SLC8A1: variants seen among roughly 807,000 people sequenced by gnomAD.
SLC8A1 encodes the protein sodium/calcium exchanger 1.
A neutral mutation model predicts 68.3 loss-of-function variants in SLC8A1; 18 were observed. That is an observed-to-expected ratio of 0.26 (90% confidence interval 0.18 to 0.39). SLC8A1 has a LOEUF of 0.39. Ranked by LOEUF, SLC8A1 falls within the 10% of genes least tolerant of loss-of-function variation. The pLI, the probability that SLC8A1 is intolerant of heterozygous loss-of-function variation, is 1.00. For missense variants in SLC8A1, 985 were observed against 1,156.7 expected (o/e 0.85, Z 2.15); for synonymous variants, 475 against 415.5 (o/e 1.14, Z -1.74).
At chr2:40,453,817 T>C (rs1576600725), upstream of SLC8A1, among the ~76,000 whole-genome samples, 2 of 152,206 alleles carry the variant, frequency 1.3e-5, no homozygotes, top group East Asian at 3.8e-4. Flanking sequence ...GAAGTGATGC[T>C]GAGGCCGTCT....
At chr2:40,423,201 ACT>A (rs1187418358) in intron 2 of SLC8A1, among the ~76,000 whole-genome samples, 1 of 151,988 alleles carries the variant, frequency 6.6e-6, no homozygotes, top group African/African-American at 2.4e-5. Flanking sequence ...AACTGCCCAT[ACT>A]CTTAGATTTA....
intron 2 of SLC8A1, among the ~76,000 whole-genome samples, chr2:40,333,110 A>G (rs1036235375): frequency 1.3e-5 from 2 of 152,326 alleles, no homozygotes. Flanking sequence ...ACGAAAAAAA[A>G]TCTCTTAACG....
chr2:40,117,626 G>C (rs1039108965), intron 7 of SLC8A1, among the ~76,000 whole-genome samples: 5 of 151,712 alleles, frequency 3.3e-5, no homozygotes, highest in East Asian at 1.9e-4. Flanking sequence ...GATTATAGCA[G>C]ATATTAATAA....
In SLC8A1 at chr2:40,495,568, G is replaced by C. The variant is rs566832232; in HGVS notation, c.-25+16781C>G. ...GCAAGTCACAGATGTATCTGTTGGT[G>C]AGTTAAAAATCAACACGAACAATGA... On this transcript the variant is annotated intron_variant, in intron 1 of 7. Coordinates refer to the SLC8A1 transcript ENST00000402441. 3.9e-5 allele frequency among the ~76,000 whole-genome samples: 6 copies of C among 152,148 alleles called. No homozygotes were observed. In the South Asian group the frequency reaches 1.2e-3, roughly 32 times the overall value.
chr2:40,416,301 T>C (rs768751343), intron 2 of SLC8A1, among the ~76,000 whole-genome samples: 2 of 152,152 alleles, frequency 1.3e-5, no homozygotes, highest in African/African-American at 4.8e-5. Flanking sequence ...TTCATTTTAG[T>C]AGATCATCCA....
chr2:40,389,463 G>A (rs1684611949), intron 2 of SLC8A1, among the ~76,000 whole-genome samples: 1 of 152,014 alleles, frequency 6.6e-6, no homozygotes, highest in African/African-American at 2.4e-5. Context: ...TTTAAAATAT[G>A]TATCATTAAT....
At chr2:40,135,857 T>C (rs1452836188) in intron 7 of SLC8A1, among the ~76,000 whole-genome samples, 1 of 152,186 alleles carries the variant, frequency 6.6e-6, no homozygotes, top group Non-Finnish European at 1.5e-5. Flanking sequence ...GTAGGTTTGG[T>C]TAAAGGATAA....
intron 2 of SLC8A1, among the ~76,000 whole-genome samples, chr2:40,260,007 G>A (rs1469401394): frequency 6.6e-6 from 1 of 152,106 alleles, no homozygotes; most frequent in East Asian, 1.9e-4. Flanking sequence ...AGTTGATAGT[G>A]AACTCAATTG....
At chr2:40,131,454 C>A (rs1409202283) in intron 7 of SLC8A1, among the ~76,000 whole-genome samples, 2 of 152,164 alleles carry the variant, frequency 1.3e-5, no homozygotes, top group Non-Finnish European at 2.9e-5. Context: ...CAAGGGAGCT[C>A]AGAATTCAGA....
At chr2:40,398,823 G>A (rs1361876490) in intron 2 of SLC8A1, among the ~76,000 whole-genome samples, 1 of 152,070 alleles carries the variant, frequency 6.6e-6, no homozygotes, top group East Asian at 1.9e-4. Context: ...TTCTTCAACT[G>A]CTACTACCCA....
intron 2 of SLC8A1, among the ~76,000 whole-genome samples, chr2:40,361,505 A>C (rs1022934599): frequency 6.6e-5 from 10 of 151,778 alleles, no homozygotes; most frequent in Non-Finnish European, 1.0e-4. Flanking sequence ...ATATTACTGT[A>C]AACACTTGAG....
chr2:40,454,299 G>A (rs1702859762), upstream of SLC8A1, among the ~76,000 whole-genome samples: 2 of 152,250 alleles, frequency 1.3e-5, no homozygotes, highest in East Asian at 1.9e-4. Context: ...GAAAATGTGA[G>A]TGGGCCATAT....
At chr2:40,372,636 C>G (rs1559426310) in intron 2 of SLC8A1, among the ~76,000 whole-genome samples, 1 of 152,106 alleles carries the variant, frequency 6.6e-6, no homozygotes, top group African/African-American at 2.4e-5. Flanking sequence ...GCTAGAAAGA[C>G]TGTTTCTTGA....
At chr2:40,475,626 A>T (rs1453380339) in intron 1 of SLC8A1, among the ~76,000 whole-genome samples, 4 of 152,080 alleles carry the variant, frequency 2.6e-5, no homozygotes. Context: ...ATATACATAC[A>T]TGTACACATA....
intron 2 of SLC8A1, among the ~76,000 whole-genome samples, chr2:40,213,717 T>A (rs1020821025): frequency 6.6e-6 from 1 of 152,204 alleles, no homozygotes; most frequent in Non-Finnish European, 1.5e-5. Context: ...TGTGTTTTGG[T>A]AGAAGGGGCG....
At chr2:40,197,010 T>A (rs943595787) in intron 2 of SLC8A1, among the ~76,000 whole-genome samples, 3 of 152,058 alleles carry the variant, frequency 2.0e-5, no homozygotes. Flanking sequence ...CGATTTGTTC[T>A]GTAACTTGTA....
chr2:40,449,876 C>G (rs1301108821), intron 1 of SLC8A1, among the ~76,000 whole-genome samples: 2 of 151,952 alleles, frequency 1.3e-5, no homozygotes, highest in African/African-American at 4.8e-5. Flanking sequence ...TGTTGTTTTT[C>G]TAGGAATTAA....
chr2:40,405,317 G>A (rs1472423727), intron 2 of SLC8A1, among the ~76,000 whole-genome samples: 2 of 152,298 alleles, frequency 1.3e-5, no homozygotes, highest in East Asian at 3.9e-4. Flanking sequence ...AGCAATTTCT[G>A]CAAGAAAAAT....
chr2:40,140,080 G>C (rs2041266457), intron 6 of SLC8A1, among the ~76,000 whole-genome samples: 1 of 152,122 alleles, frequency 6.6e-6, no homozygotes, highest in African/African-American at 2.4e-5. Context: ...AGTTCTACTA[G>C]GGTTCTTTTC....
Sources: allele counts gnomAD v4.1 joint callset (sites outside exome capture counted in the v4.1 genomes callset), GRCh38; gene constraint gnomAD v4.1.1; transcripts MANE v1.5; gene names NCBI Gene and HGNC (gene_info 2026-07-23, HGNC 2026-07-21).